The following TNKS1BP1 variants were observed in gnomAD, a reference collection of about 807,000 sequenced individuals.
TNKS1BP1 encodes CCR4-NOT transcription complex subunit 12.
A neutral mutation model predicts 141.1 loss-of-function variants in TNKS1BP1; 48 were observed. That is an observed-to-expected ratio of 0.34 (90% CI 0.27 to 0.43). The LOEUF (loss-of-function observed/expected upper bound fraction) is 0.43. Ranked by LOEUF, TNKS1BP1 falls within the 20% of genes least tolerant of loss-of-function variation. TNKS1BP1 has a pLI of 1.00. For synonymous variants in TNKS1BP1, 875 were observed against 898.2 expected, an observed-to-expected ratio of 0.97 and a Z score of 0.46; for missense variants, 2,149 against 2,226.0, an observed-to-expected ratio of 0.97 and a Z score of 0.70.
chr11:57,301,703 G>C, intron 9 of TNKS1BP1, 104 bp downstream of exon 9: 3 of 1,458,588 alleles, frequency 2.1e-6, no homozygotes, highest in African/African-American at 1.4e-5. Context: ...GAATGGGAGA[G>C]GGGGACAGGG....
At position 57,312,993 on chromosome 11, in the gene TNKS1BP1, T is replaced by C; in HGVS notation, c.1695A>G (p.Pro565=). 1 of 1,613,906 alleles carries C rather than the reference T, an allele frequency of 6.2e-7. No homozygotes were observed. The highest frequency in any genetic ancestry group is 8.5e-7 in the Non-Finnish European group (1 of 1,180,008). ...TAGGCAGGGGCTCAAGGGGAACAGC[T>C]GGGAATTGAGGTTGACTCTCCCCAT... ...KGDGESQPQF[P]AVPLEPLPTT... is the part of the protein sequence containing the mutation. The change falls in exon 5 of 12, where the codon CCA becomes CCG. Residue 565 remains proline, a synonymous_variant. Transcript: ENST00000358252.
At chr11:57,322,775 A>C (rs1172971994) in intron 1 of TNKS1BP1, among the ~76,000 whole-genome samples, 14 of 152,156 alleles carry the variant, frequency 9.2e-5, no homozygotes, top group South Asian at 8.3e-4. Flanking sequence ...GACTTGGGGG[A>C]AAATTCCCTG....
rs747301418 is a variant in TNKS1BP1, at chr11:57,301,008, C to G, written c.5005G>C (p.Glu1669Gln). Residue 1669 changes from glutamate to glutamine, a missense_variant, in exon 10 of 12, where the codon GAG (glutamate) becomes CAG (glutamine). Physicochemically the swap from Glu to Gln is conservative, Grantham distance 29 (BLOSUM62 2). Transcript: ENST00000358252. Reference protein sequence around the residue: ...KLRPRNRSAEEGELAESKSSQ... With the variant: ...KLRPRNRSAEQGELAESKSSQ... ...GACTTGCTCTCAGCCAGCTCTCCCT[C>G]CTCAGCTGAGCGATTCCGGGGGCGC... 1 of 1,613,926 alleles carries G rather than the reference C, an allele frequency of 6.2e-7. No homozygotes were observed. Among genetic ancestry groups the G allele is most frequent in the Non-Finnish European group, 8.5e-7 (1 of 1,179,912 alleles).
intron 4 of TNKS1BP1, among the ~76,000 whole-genome samples, chr11:57,317,402 C>A (rs886754471): frequency 2.6e-5 from 4 of 152,252 alleles, no homozygotes; most frequent in African/African-American, 7.2e-5. Flanking sequence ...GGGAGGCAGA[C>A]ACAGTAGCTG....
intron 9 of TNKS1BP1, 51 bp from the exon 10 acceptor site, chr11:57,301,092 A>G (rs1855518387): frequency 6.6e-7 from 1 of 1,523,770 alleles, no homozygotes. Flanking sequence ...AGGCAGTAGG[A>G]CTCTCAGGGG....
At chr11:57,320,036 G>A in intron 3 of TNKS1BP1, 43 bp downstream of exon 3, 6 of 1,038,218 alleles carry the variant, frequency 5.8e-6, no homozygotes, top group African/African-American at 1.7e-5. Flanking sequence ...CACCCCACCT[G>A]ACCTCCAGGC....
In TNKS1BP1 at chr11:57,309,476, C is replaced by T; in HGVS notation, c.3235G>A (p.Gly1079Arg). 6.2e-7 allele frequency: 1 copy of T among 1,614,078 alleles called. No homozygotes were observed. Among genetic ancestry groups the T allele is most frequent in the South Asian group, 1.1e-5 (1 of 91,082 alleles). ...ACCCAGCCTCGCTTTCCCATCTCCC[C>T]ATCTTCCAGGTCAGCACTGCCAGGG... ...QGPGSADLEDGEMGKRGWVGE... is the reference protein window; with the variant it reads ...QGPGSADLEDREMGKRGWVGE... The change falls in exon 6 of 12, where the codon GGG (glycine) becomes AGG (arginine). Residue 1079 changes from glycine (G) to arginine (R), a missense_variant. Coordinates refer to ENST00000358252, the MANE Select transcript of TNKS1BP1 (RefSeq NM_033396.3). The surrounding 1 kb of genome is among the most constrained non-coding windows in gnomAD (Gnocchi z 4.3).
At chr11:57,317,352 C>G (rs2134369941) in intron 4 of TNKS1BP1, among the ~76,000 whole-genome samples, 1 of 152,378 alleles carries the variant, frequency 6.6e-6, no homozygotes, top group Middle Eastern at 3.4e-3. Flanking sequence ...ACTCACCCCT[C>G]TTCTGAACTC....
At position 57,320,594 on chromosome 11, in the gene TNKS1BP1, G is replaced by C. The variant is rs150087591; in HGVS notation, c.213C>G (p.Pro71=). Residue 71 remains proline, a synonymous_variant, in exon 3 of 12, where the codon CCC becomes CCG. Transcript: ENST00000358252. Reference sequence around the variant, plus strand: ...TCCTGGCAGAAGGCAACTCAGCCAGGGGACCCCGGGGAGGCCGAGGCCCAA... The same window carrying C: ...TCCTGGCAGAAGGCAACTCAGCCAGCGGACCCCGGGGAGGCCGAGGCCCAA... ...VPVGPRPPRG[P]LAELPSARKM... 6.2e-7 allele frequency: 1 copy of C among 1,614,010 alleles called. No individual in the cohort carries two copies. The highest frequency in any genetic ancestry group is 1.3e-5 in the African/African-American group (1 of 75,064).
chr11:57,320,016 C>CCCCCCA, intron 3 of TNKS1BP1, 63 bp downstream of exon 3: 9 of 1,246,394 alleles, frequency 7.2e-6, no homozygotes, highest in East Asian at 2.5e-5. Flanking sequence ...CCCCAGCCCC[C>CCCCCCA]ACCCAATCCC....
At chr11:57,317,985 C>A in intron 3 of TNKS1BP1, 98 bp from the exon 4 acceptor site, 1 of 1,151,304 alleles carries the variant, frequency 8.7e-7, no homozygotes, top group Non-Finnish European at 1.3e-6. Flanking sequence ...TTTAACAGCA[C>A]CCAAAGGTTA....
Position 57,320,050 on chromosome 11 carries a change from CACAAAATAT to C in TNKS1BP1, c.728+20_728+28del. 6.2e-7 allele frequency: 1 copy of C among 1,601,622 alleles called. No individual in the cohort carries two copies. The highest frequency in any genetic ancestry group is 8.5e-7 in the Non-Finnish European group (1 of 1,170,792). Reference sequence around the variant, plus strand: ...CCACCCCACCTGACCTCCAGGCTGCCACAAAATATACAACCTCCCACCCTTCACCTCTCC... The same window carrying C: ...CCACCCCACCTGACCTCCAGGCTGCCACAACCTCCCACCCTTCACCTCTCC... On this transcript the variant is annotated intron_variant, in intron 3 of 11. Transcript: ENST00000358252.
intron 4 of TNKS1BP1, among the ~76,000 whole-genome samples, chr11:57,315,100 A>G (rs1855777936): frequency 6.6e-6 from 1 of 152,028 alleles, no homozygotes; most frequent in South Asian, 2.1e-4. Context: ...CGACCCTTCC[A>G]GCCTCTGGTT....
chr11:57,308,593 C>A lies in TNKS1BP1; in HGVS notation c.4118G>T (p.Cys1373Phe), dbSNP rs775743026. The A allele has an allele frequency of 5.6e-6, 9 of 1,614,034 alleles. No homozygotes were observed. Among genetic ancestry groups the A allele is most frequent in the African/African-American group, 1.3e-5 (1 of 75,044 alleles). ...ATTGTGCCTCAGGCCGGGCTCTGGG[C>A]ACTGGCTCACCCCGCCCACCCCATG... Reference protein sequence around the residue: ...REHGVGGVSQCPEPGLRHNGS... With the variant: ...REHGVGGVSQFPEPGLRHNGS... Residue 1373 changes from cysteine (C) to phenylalanine (F), a missense_variant, in exon 6 of 12, where the codon TGC (cysteine) becomes TTC (phenylalanine). By Grantham distance (205) the Cys-to-Phe change is radical. Transcript: ENST00000358252.
chr11:57,312,629 C>T lies in TNKS1BP1; in HGVS notation c.2059G>A (p.Asp687Asn), dbSNP rs758974111. The change falls in exon 5 of 12, where the codon GAC becomes AAC. Residue 687 changes from aspartate to asparagine, a missense_variant. Coordinates refer to ENST00000358252, the MANE Select transcript of TNKS1BP1 (RefSeq NM_033396.3). ...CTGGGTGGTGGTGAAGCCAGGAGGT[C>T]GTCCAGCCAGCGGGAGCTGCTTTCA... The part of the protein sequence containing the change: ...GPESSSRWLD[D>N]LLASPPPSGG... The T allele has an allele frequency of 8.2e-6, 13 of 1,576,852 alleles. No individual in the cohort carries two copies. The highest frequency in any genetic ancestry group is 1.0e-5 in the Non-Finnish European group (12 of 1,162,528).
At chr11:57,301,696 T>G in intron 9 of TNKS1BP1, 111 bp downstream of exon 9, 1 of 1,414,380 alleles carries the variant, frequency 7.1e-7, no homozygotes, top group Non-Finnish European at 9.6e-7. Context: ...AGAGGAGGAA[T>G]GGGAGAGGGG....
chr11:57,306,443 C>T (rs1412014001), intron 6 of TNKS1BP1, among the ~76,000 whole-genome samples: 2 of 152,204 alleles, frequency 1.3e-5, no homozygotes, highest in African/African-American at 2.4e-5. Context: ...CAGACTAAGT[C>T]TTCTGTACGG....
chr11:57,324,103 C>A (rs1161467527), intron 1 of TNKS1BP1, among the ~76,000 whole-genome samples: 1 of 152,218 alleles, frequency 6.6e-6, no homozygotes, highest in Non-Finnish European at 1.5e-5. Flanking sequence ...TGACCCCTGG[C>A]AGATAAGGCC....
Position 57,310,464 on chromosome 11 carries a change from A to G in TNKS1BP1, c.2247T>C (p.Cys749=). The part of the protein sequence containing the change: ...QPSSFSPSSW[C]QGASQDYGLG... ...GGCCATAGTCCTGAGAAGCACCTTGACACCAGCTGGAAGGACTGAAACTGC... is the reference window on the plus strand; with the variant it reads ...GGCCATAGTCCTGAGAAGCACCTTGGCACCAGCTGGAAGGACTGAAACTGC... The change falls in exon 6 of 12, where the codon TGT becomes TGC. Residue 749 remains cysteine (C), a synonymous_variant. Transcript: ENST00000358252. 1.9e-6 allele frequency: 3 copies of G among 1,613,410 alleles called. No homozygotes were observed. The highest frequency in any genetic ancestry group is 2.5e-6 in the Non-Finnish European group (3 of 1,180,018).
Sources: gnomAD v4.1 joint callset for allele counts (sites outside exome capture counted in the v4.1 genomes callset) on GRCh38, gnomAD v4.1.1 for gene constraint, Gnocchi (gnomAD v3.1) non-coding constraint, MANE v1.5 for transcripts, NCBI Gene and HGNC (gene_info 2026-07-23, HGNC 2026-07-21) for gene names.